Variants in SMARCC1 observed in about 807,000 individuals in gnomAD.
SMARCC1 encodes the protein SWI/SNF related BAF chromatin remodeling complex subunit C1, also known as SWI/SNF complex subunit SMARCC1.
A neutral mutation model predicts 147.4 loss-of-function variants in SMARCC1; 43 were observed. The observed-to-expected ratio is 0.29, with a 90% CI of 0.23 to 0.38. The LOEUF (loss-of-function observed/expected upper bound fraction) is 0.38, where lower values mean the gene tolerates loss of function less well. Among genes scored for constraint, SMARCC1 ranks in the 10% least tolerant of loss-of-function variants. The pLI, the probability that SMARCC1 is intolerant of heterozygous loss-of-function variation, is 1.00. For synonymous variants in SMARCC1, 495 were observed against 484.4 expected (o/e 1.02, Z -0.29); for missense variants, 1,119 against 1,381.1 (o/e 0.81, Z 3.01).
intron 26 of SMARCC1, among the ~76,000 whole-genome samples, chr3:47,597,314 G>T (rs895641185): frequency 6.6e-6 from 1 of 152,014 alleles, no homozygotes; most frequent in African/African-American, 2.4e-5. Context: ...GCACCACCAC[G>T]TCAGCTAATT....
chr3:47,705,653 G>T (rs1268815040), intron 10 of SMARCC1, among the ~76,000 whole-genome samples: 1 of 152,120 alleles, frequency 6.6e-6, no homozygotes, highest in East Asian at 1.9e-4. Flanking sequence ...GATGTCAATT[G>T]TATCTTTACA....
chr3:47,751,827 T>C (rs184081000), intron 2 of SMARCC1, among the ~76,000 whole-genome samples: 1 of 152,188 alleles, frequency 6.6e-6, no homozygotes, highest in East Asian at 1.9e-4. Context: ...CTCACGCCTG[T>C]AATCCTAGCA....
At chr3:47,607,868 C>A (rs1292694800) in intron 26 of SMARCC1, among the ~76,000 whole-genome samples, 2 of 152,040 alleles carry the variant, frequency 1.3e-5, no homozygotes, top group African/African-American at 2.4e-5. Flanking sequence ...CTCAGTGAGA[C>A]CCAACCTCTT....
intron 18 of SMARCC1, among the ~76,000 whole-genome samples, chr3:47,671,173 C>CAAAAAACAAAAAAAAAAAAAAAAAAAAA (rs2033492197): frequency 3.4e-5 from 1 of 29,230 alleles, no homozygotes; most frequent in African/African-American, 1.6e-4. Flanking sequence ...GAGACTATCT[C>CAAAAAACAAAAAAAAAAAAAAAAAAAAA]AAAAAAAAAA....
At chr3:47,726,903 G>A (rs2034305922) in intron 6 of SMARCC1, among the ~76,000 whole-genome samples, 4 of 151,642 alleles carry the variant, frequency 2.6e-5, no homozygotes, top group Non-Finnish European at 5.9e-5. Flanking sequence ...TTTTTTTCAA[G>A]GCTGAATAAT....
intron 1 of SMARCC1, among the ~76,000 whole-genome samples, chr3:47,775,059 C>T (rs1475488015): frequency 6.6e-6 from 1 of 152,042 alleles, no homozygotes; most frequent in Non-Finnish European, 1.5e-5. Flanking sequence ...TCACTTTGGC[C>T]TCCCAAAAAG....
At chr3:47,611,125 G>A (rs2032558173) in intron 25 of SMARCC1, among the ~76,000 whole-genome samples, 1 of 152,192 alleles carries the variant, frequency 6.6e-6, no homozygotes, top group Non-Finnish European at 1.5e-5. Flanking sequence ...TTAATTCAGG[G>A]ATGATAAAGA....
rs781233878 is a variant in SMARCC1 at position 47,679,934 on chromosome 3, T to C, written c.1457+503A>G. Among the ~76,000 whole-genome samples the C allele has an allele frequency of 2.0e-5, 3 of 149,756 alleles. 1 individual carries two copies. The highest frequency in any genetic ancestry group is 2.1e-4 in the South Asian group (1 of 4,754). ...AGACCTGAATTCATTATAGTAAAAA[T>C]TGGTTTAAAATCCAAACTTTAACTC... is the stretch of plus-strand genomic sequence containing the variant. On this transcript the variant is annotated intron_variant, in intron 15 of 27. Transcript: ENST00000254480.
At chr3:47,773,284 C>T (rs2034936900) in intron 1 of SMARCC1, among the ~76,000 whole-genome samples, 2 of 151,822 alleles carry the variant, frequency 1.3e-5, no homozygotes, top group Non-Finnish European at 2.9e-5. Flanking sequence ...TGAGCCACTA[C>T]CCCCAACTAC....
At chr3:47,613,978 GA>G (rs1193655542) in intron 25 of SMARCC1, among the ~76,000 whole-genome samples, 2 of 137,488 alleles carry the variant, frequency 1.5e-5, no homozygotes, top group Non-Finnish European at 3.1e-5. Flanking sequence ...ATAAAGCAGG[GA>G]GGGGGGTGGG....
rs528651108 is a variant in SMARCC1, at chr3:47,748,124, T to C, written c.316-2131A>G. ...AAGATCACACCACTGCACTCCAGCC[T>C]GGGCGACACAGTGAGACTGTCTCAA... On this transcript the variant is annotated intron_variant, in intron 2 of 27. Coordinates refer to ENST00000254480, the MANE Select transcript of SMARCC1 (RefSeq NM_003074.4). Among the ~76,000 whole-genome samples the C allele has an allele frequency of 7.9e-5, 12 of 152,234 alleles. 1 individual carries two copies. The South Asian group carries it at 2.5e-3, about 32-fold the overall frequency.
intron 14 of SMARCC1, among the ~76,000 whole-genome samples, chr3:47,682,683 C>T (rs2033669573): frequency 6.6e-6 from 1 of 151,994 alleles, no homozygotes; most frequent in Non-Finnish European, 1.5e-5. Context: ...ATAATTAAAA[C>T]AGCAAAAATA....
intron 21 of SMARCC1, among the ~76,000 whole-genome samples, chr3:47,646,596 G>C (rs2033123521): frequency 6.6e-6 from 1 of 152,218 alleles, no homozygotes; most frequent in Non-Finnish European, 1.5e-5. Context: ...GCATATTGGA[G>C]AAGAGATTTA....
chr3:47,732,020 G>A (rs1392528507), intron 5 of SMARCC1, among the ~76,000 whole-genome samples: 1 of 150,938 alleles, frequency 6.6e-6, no homozygotes, highest in African/African-American at 2.5e-5. Context: ...TATTTTAATA[G>A]AAGACTATTT....
intron 21 of SMARCC1, among the ~76,000 whole-genome samples, chr3:47,642,778 G>C (rs1320727951): frequency 6.6e-6 from 1 of 152,168 alleles, no homozygotes; most frequent in South Asian, 2.1e-4. Flanking sequence ...ACGTGTGGTG[G>C]CTCATGCCTA....
At chr3:47,680,232 C>CA (rs879680520) in intron 15 of SMARCC1, 90 of 463,676 alleles carry the variant, frequency 1.9e-4, no homozygotes, top group East Asian at 5.4e-4. Context: ...AAACAAACAC[C>CA]AAAAAAAACC....
chr3:47,752,377 C>T (rs2034638830), intron 2 of SMARCC1, among the ~76,000 whole-genome samples: 1 of 152,206 alleles, frequency 6.6e-6, no homozygotes, highest in Admixed American at 6.5e-5. Flanking sequence ...TATAAACCCC[C>T]ATGCTGAAGA....
At position 47,736,139 on chromosome 3, in the gene SMARCC1, A is replaced by T; in HGVS notation, c.484-13T>A. 7.1e-7 allele frequency: 1 copy of T among 1,416,102 alleles called. No homozygotes were observed. The highest frequency in any genetic ancestry group is 9.8e-7 in the Non-Finnish European group (1 of 1,015,530). 87.7% of individuals were successfully genotyped at this position (1,416,102 alleles called of 1,614,324 possible). Reference sequence around the variant, plus strand: ...TCAAACAATTGTTCTGAGGATGAAAAGAACAGACTTTCAAATTCTCTTAGT... The same window carrying T: ...TCAAACAATTGTTCTGAGGATGAAATGAACAGACTTTCAAATTCTCTTAGT... On this transcript the variant is annotated splice_polypyrimidine_tract_variant and intron_variant, in intron 4 of 27. Coordinates refer to ENST00000254480, the MANE Select transcript of SMARCC1 (RefSeq NM_003074.4).
At chr3:47,750,198 G>A (rs2034613944) in intron 2 of SMARCC1, among the ~76,000 whole-genome samples, 1 of 152,094 alleles carries the variant, frequency 6.6e-6, no homozygotes, top group African/African-American at 2.4e-5. Context: ...CACTTTGGGA[G>A]GCCAAGGTGG....
Sources: gnomAD v4.1 joint callset for allele counts (sites outside exome capture counted in the v4.1 genomes callset) on GRCh38, gnomAD v4.1.1 for gene constraint, MANE v1.5 for transcripts, NCBI Gene and HGNC (gene_info 2026-07-23, HGNC 2026-07-21) for gene names.